Variants in EPG5 observed in about 807,000 individuals in gnomAD.
EPG5 encodes the protein ectopic P-granules 5 autophagy tethering factor.
In EPG5, 159 loss-of-function variants were observed where a neutral mutation model predicts 302.7. The ratio of observed to expected loss-of-function variants is 0.53; its 90% CI spans 0.46 to 0.60. The LOEUF is 0.60. EPG5 is among the 20% of genes least tolerant of loss of function. The probability of loss-of-function intolerance (pLI) is 0.00; values close to 1 mark genes in which losing one functional copy is unlikely to be tolerated. For synonymous variants in EPG5, 1,158 were observed against 1,136.8 expected (o/e 1.02, Z -0.37); for missense variants, 2,896 against 3,092.4 (o/e 0.94, Z 1.51).
intron 9 of EPG5, among the ~76,000 whole-genome samples, chr18:45,940,305 GTGAGGGGCCC>G (rs543131165): frequency 1.3e-3 from 203 of 152,332 alleles, no homozygotes; most frequent in Non-Finnish European, 2.2e-3. Context: ...AAACCAGATC[GTGAGGGGCCC>G]TGCAGGCCAC....
chr18:45,916,864 C>G (rs1221480722), intron 17 of EPG5: 3 of 221,404 alleles, frequency 1.4e-5, no homozygotes, highest in Non-Finnish European at 2.7e-5. Flanking sequence ...ACTCTCCCCT[C>G]CTCACTCCCC....
At chr18:45,900,184 C>T (rs1229523054) in intron 26 of EPG5, among the ~76,000 whole-genome samples, 5 of 152,052 alleles carry the variant, frequency 3.3e-5, no homozygotes, top group African/African-American at 1.2e-4. Flanking sequence ...GGGTGGATCA[C>T]GAGGTCAGGA....
chr18:45,961,589 G>A (rs917232150), intron 1 of EPG5, among the ~76,000 whole-genome samples: 1 of 152,182 alleles, frequency 6.6e-6, no homozygotes, highest in Non-Finnish European at 1.5e-5. Context: ...GGCTGGGCAT[G>A]GTGGCTCAAG....
Position 45,952,622 on chromosome 18 carries a change from T to G in EPG5, c.1030A>C (p.Lys344Gln). The change falls in exon 3 of 44, where the codon AAA (lysine) becomes CAA (glutamine). Residue 344 changes from lysine (K) to glutamine (Q), a missense_variant. By Grantham distance (53) the Lys-to-Gln change is moderately conservative (BLOSUM62 1). Transcript: ENST00000282041. ...SVQGICADQV[K>Q]VFSYHRYQRV... ...TGGTAGCGATGATAGCTGAAAACTT[T>G]CACTTGATCTGCACAGATACCCTAC... 1 of 1,614,160 alleles carries G rather than the reference T, an allele frequency of 6.2e-7. No homozygotes were observed. The highest frequency in any genetic ancestry group is 1.3e-5 in the African/African-American group (1 of 75,046).
rs559565773 is a variant in EPG5, at chr18:45,903,094, T to C, written c.4474+879A>G. ...GGCATGAACGGAAATCATTTAATAG[T>C]TCCCAGATCTGTTCATATATTTCTT... is the stretch of plus-strand genomic sequence containing the variant. On this transcript the variant is annotated intron_variant, in intron 25 of 43. Coordinates refer to ENST00000282041, the MANE Select transcript of EPG5 (RefSeq NM_020964.3). 1.1e-4 allele frequency among the ~76,000 whole-genome samples: 16 copies of C among 151,754 alleles called. 1 individual carries two copies. In the South Asian group the frequency reaches 3.1e-3, roughly 30 times the overall value.
chr18:45,814,704 T>C, the EPG5 span, among the ~76,000 whole-genome samples: 1 of 152,210 alleles, frequency 6.6e-6, no homozygotes, highest in Admixed American at 6.5e-5. Flanking sequence ...CTTGAAATGA[T>C]GTGACCAAAA....
chr18:45,909,682 T>C lies in EPG5; in HGVS notation c.4205+839A>G, dbSNP rs150930387. Among the ~76,000 whole-genome samples, 17 of 152,358 alleles carry C rather than the reference T, an allele frequency of 1.1e-4. No individual in the cohort carries two copies. The East Asian group carries it at 3.3e-3, about 29-fold the overall frequency. On this transcript the variant is annotated intron_variant, in intron 23 of 43. Coordinates refer to ENST00000282041, the MANE Select transcript of EPG5 (RefSeq NM_020964.3). ...AGGCAAATATTGTACCCTGATTTTA[T>C]AGGGCACATATTTTTGGGAGATTAC...
intron 7 of EPG5, 140 bp from the exon 8 acceptor site, chr18:45,944,259 G>T: frequency 1.7e-6 from 1 of 581,932 alleles, no homozygotes; most frequent in South Asian, 2.3e-5. Flanking sequence ...TTTTCTCCAG[G>T]ACAGCAATTT....
At chr18:45,819,023 C>T in the EPG5 span, among the ~76,000 whole-genome samples, 1 of 152,046 alleles carries the variant, frequency 6.6e-6, no homozygotes, top group South Asian at 2.1e-4. Context: ...CGTGAGCCAC[C>T]GTGCCTGGCC....
At chr18:45,938,882 A>C (rs1452437062) in intron 10 of EPG5, among the ~76,000 whole-genome samples, 1 of 152,218 alleles carries the variant, frequency 6.6e-6, no homozygotes, top group African/African-American at 2.4e-5. Context: ...ACATGGCAAG[A>C]GGGAGTGTAG....
intron 16 of EPG5, 23 bp from the exon 17 acceptor site, chr18:45,917,842 T>C: frequency 6.2e-7 from 1 of 1,613,502 alleles, no homozygotes; most frequent in Non-Finnish European, 8.5e-7. Flanking sequence ...AGAAAGGCAC[T>C]GAATACACAA....
intron 36 of EPG5, among the ~76,000 whole-genome samples, chr18:45,870,343 A>G (rs2048842290): frequency 6.6e-6 from 1 of 152,146 alleles, no homozygotes; most frequent in South Asian, 2.1e-4. Context: ...CATATTATAG[A>G]TAAAATCTTT....
intron 1 of EPG5, among the ~76,000 whole-genome samples, chr18:45,963,842 T>C (rs906249006): frequency 1.8e-4 from 28 of 152,238 alleles, no homozygotes; most frequent in African/African-American, 6.7e-4. Flanking sequence ...GTTTAGAGAA[T>C]GGGCAGCAAG....
the EPG5 span, among the ~76,000 whole-genome samples, chr18:45,821,061 T>G: frequency 1.3e-5 from 2 of 152,238 alleles, no homozygotes; most frequent in African/African-American, 2.4e-5. Flanking sequence ...TAATTTCTAC[T>G]CTGTTCACTT....
chr18:45,904,454 T>A (rs970505679), intron 24 of EPG5, among the ~76,000 whole-genome samples: 10 of 152,056 alleles, frequency 6.6e-5, no homozygotes, highest in Admixed American at 6.6e-4. Flanking sequence ...AAAAATAAAA[T>A]GTTAAAAAAT....
intron 35 of EPG5, among the ~76,000 whole-genome samples, chr18:45,874,598 A>C (rs912504454): frequency 1.5e-4 from 23 of 152,314 alleles, no homozygotes; most frequent in African/African-American, 5.5e-4. Context: ...GAAACCCCTT[A>C]TCAAACCACC....
At chr18:45,812,977 C>T in the EPG5 span, among the ~76,000 whole-genome samples, 1 of 152,278 alleles carries the variant, frequency 6.6e-6, no homozygotes, top group East Asian at 1.9e-4. Flanking sequence ...TTAGAGTGAA[C>T]AGGCAACCCA....
intron 2 of EPG5, chr18:45,953,364 A>G: frequency 1.0e-6 from 1 of 985,276 alleles, no homozygotes; most frequent in Non-Finnish European, 1.2e-6. Flanking sequence ...TCAAGAGAAT[A>G]CACACTCCAC....
chr18:45,879,177 T>TA lies in EPG5; in HGVS notation c.5704dup (p.Tyr1902LeufsTer2), dbSNP rs760768451. The TA allele has an allele frequency of 1.5e-5, 25 of 1,613,294 alleles. No individual in the cohort carries two copies. The highest frequency in any genetic ancestry group is 5.3e-5 in the African/African-American group (4 of 74,808). ...GTCCATCTTGGATAACCGAAGCTTA[T>TA]AAAAAAAGTCTGAAAGCCACTGTAT... On this transcript the variant is annotated frameshift_variant, in exon 33 of 44. Coordinates refer to ENST00000282041, the MANE Select transcript of EPG5 (RefSeq NM_020964.3). LOFTEE classifies it high-confidence loss of function.
Sources: allele counts gnomAD v4.1 joint callset (sites outside exome capture counted in the v4.1 genomes callset), GRCh38; gene constraint gnomAD v4.1.1; transcripts MANE v1.5; gene names NCBI Gene and HGNC (gene_info 2026-07-23, HGNC 2026-07-21).